The following ERC2 variants were observed in gnomAD, a reference collection of about 807,000 sequenced individuals.
The protein encoded by ERC2 is ELKS/RAB6-interacting/CAST family member 2.
A neutral mutation model predicts 114.8 loss-of-function variants in ERC2; 42 were observed. That is an observed-to-expected ratio of 0.37 (90% CI 0.29 to 0.47). The LOEUF (loss-of-function observed/expected upper bound fraction) is 0.47, where lower values mean the gene tolerates loss of function less well. Ranked by LOEUF, ERC2 falls within the 20% of genes least tolerant of loss-of-function variation. ERC2 has a pLI of 0.99. For missense variants in ERC2, 939 were observed against 1,150.7 expected, an observed-to-expected ratio of 0.82 and a Z score of 2.66; for synonymous variants, 454 against 425.5, an observed-to-expected ratio of 1.07 and a Z score of -0.82.
intron 6 of ERC2, among the ~76,000 whole-genome samples, chr3:56,109,138 ATAG>A (rs2078825839): frequency 6.6e-6 from 1 of 151,964 alleles, no homozygotes; most frequent in African/African-American, 2.4e-5. Context: ...CTAGTACCTA[ATAG>A]TTATTTTTTC....
chr3:56,214,880 T>G (rs1355318196), intron 3 of ERC2, among the ~76,000 whole-genome samples: 1 of 152,132 alleles, frequency 6.6e-6, no homozygotes, highest in African/African-American at 2.4e-5. Context: ...GAATTTCATA[T>G]CCAGCCAAAC....
intron 2 of ERC2, among the ~76,000 whole-genome samples, chr3:56,411,517 A>C (rs1046696554): frequency 1.3e-5 from 2 of 152,122 alleles, no homozygotes; most frequent in Admixed American, 6.5e-5. Flanking sequence ...TCCTTGCTAT[A>C]GTTTAAATGC....
At chr3:55,915,991 A>C (rs1051043799) in intron 13 of ERC2, among the ~76,000 whole-genome samples, 1 of 152,180 alleles carries the variant, frequency 6.6e-6, no homozygotes, top group East Asian at 1.9e-4. Flanking sequence ...ATGCATATTC[A>C]TAGTATTTGT....
intron 13 of ERC2, among the ~76,000 whole-genome samples, chr3:55,912,821 G>T (rs1333640573): frequency 3.3e-5 from 5 of 152,112 alleles, no homozygotes; most frequent in Non-Finnish European, 4.4e-5. Flanking sequence ...ATACAGGAAA[G>T]TATGAGAGAG....
At chr3:56,259,600 C>T (rs2052771205) in intron 3 of ERC2, among the ~76,000 whole-genome samples, 1 of 151,738 alleles carries the variant, frequency 6.6e-6, no homozygotes, top group Non-Finnish European at 1.5e-5. Context: ...CAGATACCCT[C>T]TAGGTTATTA....
In ERC2 at chr3:55,795,363, C is replaced by T. The variant is rs537845590; in HGVS notation, c.2565-60445G>A. 1.1e-4 allele frequency among the ~76,000 whole-genome samples: 17 copies of T among 152,206 alleles called. No individual in the cohort carries two copies. The East Asian group carries it at 1.7e-3, about 16-fold the overall frequency. On this transcript the variant is annotated intron_variant, in intron 14 of 17. Coordinates refer to ENST00000288221, the MANE Select transcript of ERC2 (RefSeq NM_015576.3). Reference sequence around the variant, plus strand: ...GGATAAGCTGGGGCACCTTGCTTTGCCCCAGATCTCCATTGAGAATGGAAC... The same window carrying T: ...GGATAAGCTGGGGCACCTTGCTTTGTCCCAGATCTCCATTGAGAATGGAAC...
At chr3:56,147,411 G>T (rs2081196825) in intron 5 of ERC2, among the ~76,000 whole-genome samples, 2 of 152,146 alleles carry the variant, frequency 1.3e-5, no homozygotes, top group South Asian at 4.1e-4. Context: ...AGTTAGAGAT[G>T]GAAAGTTGAC....
chr3:55,833,083 A>G (rs2060687313), intron 14 of ERC2, among the ~76,000 whole-genome samples: 1 of 149,294 alleles, frequency 6.7e-6, no homozygotes, highest in African/African-American at 2.5e-5. Flanking sequence ...GAAATGAACA[A>G]AGCCTCCAAG....
At chr3:55,747,845 A>C (rs2066408255) in intron 14 of ERC2, among the ~76,000 whole-genome samples, 1 of 152,268 alleles carries the variant, frequency 6.6e-6, no homozygotes. Flanking sequence ...ACTGCTAAGC[A>C]ACGGTTCAAA....
At chr3:55,628,732 C>A (rs2059623325) in intron 17 of ERC2, among the ~76,000 whole-genome samples, 1 of 152,172 alleles carries the variant, frequency 6.6e-6, no homozygotes, top group African/African-American at 2.4e-5. Context: ...TAGATGAAGG[C>A]CAAGCCAGGA....
chr3:56,083,470 A>G (rs947661145), intron 6 of ERC2, among the ~76,000 whole-genome samples: 19 of 152,200 alleles, frequency 1.2e-4, no homozygotes, highest in African/African-American at 4.3e-4. Flanking sequence ...GAGAGTGGAG[A>G]ACAGTTACCT....
chr3:55,799,607 G>C (rs1216420794), intron 14 of ERC2, among the ~76,000 whole-genome samples: 1 of 151,834 alleles, frequency 6.6e-6, no homozygotes, highest in Non-Finnish European at 1.5e-5. Flanking sequence ...AACACACAAA[G>C]AGGTTAGGAT....
At chr3:56,034,074 T>C (rs2074641029) in intron 7 of ERC2, among the ~76,000 whole-genome samples, 1 of 152,192 alleles carries the variant, frequency 6.6e-6, no homozygotes, top group African/African-American at 2.4e-5. Context: ...TATATGCGAC[T>C]ATAGAAGACT....
At chr3:56,462,267 T>C (rs763278617) in intron 1 of ERC2, among the ~76,000 whole-genome samples, 16 of 152,252 alleles carry the variant, frequency 1.1e-4, no homozygotes, top group Non-Finnish European at 1.8e-4. Context: ...AAGTGAATAC[T>C]AGCCTTCAGG....
At chr3:55,836,073 A>G (rs993121899) in intron 14 of ERC2, among the ~76,000 whole-genome samples, 4 of 150,968 alleles carry the variant, frequency 2.6e-5, no homozygotes, top group African/African-American at 9.9e-5. Context: ...TTCAAGGAGA[A>G]CTACAAACCA....
chr3:55,589,533 A>G (rs550205223), intron 17 of ERC2, among the ~76,000 whole-genome samples: 96 of 152,252 alleles, frequency 6.3e-4, no homozygotes, highest in African/African-American at 2.1e-3. Context: ...TACTCAATAA[A>G]TGGTAACTGA....
At chr3:56,252,829 T>C (rs1278106417) in intron 3 of ERC2, among the ~76,000 whole-genome samples, 11 of 151,310 alleles carry the variant, frequency 7.3e-5, no homozygotes, top group African/African-American at 2.4e-4. Flanking sequence ...GATGCTAACA[T>C]TGGAATTACA....
intron 2 of ERC2, among the ~76,000 whole-genome samples, chr3:56,343,469 T>A (rs192230821): frequency 3.3e-5 from 5 of 151,194 alleles, no homozygotes; most frequent in Non-Finnish European, 7.4e-5. Context: ...AAAAAAAAAA[T>A]TAGCCAGGTG....
intron 10 of ERC2, among the ~76,000 whole-genome samples, chr3:56,006,607 G>T (rs1007386909): frequency 1.3e-5 from 2 of 152,032 alleles, no homozygotes; most frequent in African/African-American, 4.8e-5. Flanking sequence ...TGTTAATGCC[G>T]CCATGTAAAT....
Sources: gnomAD v4.1 joint callset for allele counts (sites outside exome capture counted in the v4.1 genomes callset) on GRCh38, gnomAD v4.1.1 for gene constraint, MANE v1.5 for transcripts, NCBI Gene and HGNC (gene_info 2026-07-23, HGNC 2026-07-21) for gene names.